PCDHAC1: variants seen among roughly 807,000 people sequenced by gnomAD.
PCDHAC1 encodes protocadherin alpha-C1.
Under a neutral mutation model 60.0 loss-of-function variants are expected in PCDHAC1, and 42 were observed. That is an observed-to-expected ratio of 0.70 (90% CI 0.55 to 0.90). The LOEUF is 0.90. Among genes scored for constraint, PCDHAC1 ranks in the 40% least tolerant of loss-of-function variants. PCDHAC1 has a pLI of 0.00. For missense variants in PCDHAC1, 1,160 were observed against 1,222.3 expected, an observed-to-expected ratio of 0.95 and a Z score of 0.76; for synonymous variants, 468 against 499.3, an observed-to-expected ratio of 0.94 and a Z score of 0.84.
Position 140,956,868 on chromosome 5 carries a change from G to A in PCDHAC1, c.2434-22081G>A, listed in dbSNP as rs1161897507. Among the ~76,000 whole-genome samples, 4 of 152,082 alleles carry A rather than the reference G, an allele frequency of 2.6e-5. No individual in the cohort carries two copies. In the South Asian group the frequency reaches 8.3e-4, roughly 32 times the overall value. On this transcript the variant is annotated intron_variant, in intron 1 of 3. Transcript: ENST00000253807. ...GGGTTAAATGGTTGAATGAATGTGT[G>A]AAAAGTTAGATATCAATGAATGAAT...
At chr5:140,947,769 A>T (rs2094173274) in intron 1 of PCDHAC1, among the ~76,000 whole-genome samples, 1 of 151,626 alleles carries the variant, frequency 6.6e-6, no homozygotes, top group Non-Finnish European at 1.5e-5. Context: ...AAAAAATTCT[A>T]TTGTAAATGG....
chr5:140,999,056 C>T (rs1256829495), intron 3 of PCDHAC1, among the ~76,000 whole-genome samples: 4 of 152,212 alleles, frequency 2.6e-5, no homozygotes, highest in Non-Finnish European at 5.9e-5. Context: ...TCCACCATGC[C>T]TAAGTAGTCT....
chr5:140,992,976 AG>A (rs2097535791), intron 3 of PCDHAC1, among the ~76,000 whole-genome samples: 3 of 152,240 alleles, frequency 2.0e-5, no homozygotes, highest in Non-Finnish European at 4.4e-5. Flanking sequence ...GACAATGATT[AG>A]GCCATGGGAC....
In PCDHAC1 at chr5:140,928,175, G is replaced by A. The variant is rs782432136; in HGVS notation, c.1283G>A (p.Arg428Gln). Residue 428 changes from arginine to glutamine, a missense_variant, in exon 1 of 4, where the codon CGA (arginine) becomes CAA (glutamine). This residue lies in a region of PCDHAC1 where 1,113 missense variants were observed against 1,163.7 expected (regional missense o/e 0.96). Transcript: ENST00000253807. ...AGTGGCTCACCCCCACTTAGCACCC[G>A]AAGGACAATCACTGTGTCAGTTGCT... ...SDSGSPPLST[R>Q]RTITVSVADV... 6.8e-6 allele frequency: 11 copies of A among 1,614,032 alleles called. No individual in the cohort carries two copies. The highest frequency in any genetic ancestry group is 1.3e-5 in the African/African-American group (1 of 74,912).
intron 3 of PCDHAC1, among the ~76,000 whole-genome samples, chr5:140,996,747 T>C (rs940274322): frequency 1.3e-5 from 2 of 152,190 alleles, no homozygotes; most frequent in Non-Finnish European, 2.9e-5. Flanking sequence ...TAACAAATTA[T>C]ATCTGTGCAG....
At chr5:141,006,299 C>T (rs2098266808) in intron 3 of PCDHAC1, among the ~76,000 whole-genome samples, 1 of 152,064 alleles carries the variant, frequency 6.6e-6, no homozygotes, top group Non-Finnish European at 1.5e-5. Flanking sequence ...GCAAGCTCCA[C>T]TTCCCGGGTT....
intron 3 of PCDHAC1, among the ~76,000 whole-genome samples, chr5:140,990,016 G>A (rs1211656433): frequency 6.6e-6 from 1 of 152,138 alleles, no homozygotes; most frequent in East Asian, 1.9e-4. Flanking sequence ...GCGTGGGCTA[G>A]GCAAAGGATG....
At chr5:140,952,058 T>C (rs889374877) in intron 1 of PCDHAC1, among the ~76,000 whole-genome samples, 1 of 152,096 alleles carries the variant, frequency 6.6e-6, no homozygotes, top group African/African-American at 2.4e-5. Flanking sequence ...ATCTTAAAGC[T>C]CCAAATAATC....
intron 3 of PCDHAC1, among the ~76,000 whole-genome samples, chr5:141,003,433 T>G (rs1479468480): frequency 2.0e-5 from 3 of 152,112 alleles, no homozygotes; most frequent in African/African-American, 7.2e-5. Flanking sequence ...TGCCTCAGCC[T>G]CCCAAGTAGA....
At chr5:140,944,226 C>T (rs988249626) in intron 1 of PCDHAC1, among the ~76,000 whole-genome samples, 3 of 152,126 alleles carry the variant, frequency 2.0e-5, no homozygotes, top group Admixed American at 2.0e-4. Flanking sequence ...TTTACTCTGT[C>T]GCTCAGGCTG....
chr5:141,005,031 A>G (rs2098194150), intron 3 of PCDHAC1, among the ~76,000 whole-genome samples: 1 of 152,212 alleles, frequency 6.6e-6, no homozygotes, highest in South Asian at 2.1e-4. Context: ...ATAATTGCCC[A>G]TATGTGATAC....
Position 141,009,727 on chromosome 5 carries a change from C to T in PCDHAC1, c.2682C>T (p.Pro894=), listed in dbSNP as rs781880006. The part of the protein sequence containing the change: ...YGPGNPKQSG[P]GELPDKFIIP... ...CAGGCAACCCCAAACAATCCGGTCC[C>T]GGTGAGTTGCCCGACAAATTCATTA... Residue 894 remains proline, a synonymous_variant, in exon 4 of 4, where the codon CCC becomes CCT. Coordinates refer to ENST00000253807, the MANE Select transcript of PCDHAC1 (RefSeq NM_018898.5). The T allele has an allele frequency of 3.1e-6, 5 of 1,614,022 alleles. No homozygotes were observed. The highest frequency in any genetic ancestry group is 2.2e-5 in the East Asian group (1 of 44,886).
At chr5:140,969,775 G>A (rs879968185) in intron 1 of PCDHAC1, among the ~76,000 whole-genome samples, 9 of 152,174 alleles carry the variant, frequency 5.9e-5, no homozygotes, top group Admixed American at 5.9e-4. Flanking sequence ...GCCTCTAGGG[G>A]CTATCATAGT....
chr5:140,953,961 G>C lies in PCDHAC1; in HGVS notation c.2433+24636G>C, dbSNP rs140078691. ...CCCATTGCTCCCCCAACAGGCCCCA[G>C]TGTGTGTTGTTCCCCTTCATATTTT... On this transcript the variant is annotated intron_variant, in intron 1 of 3. Coordinates refer to ENST00000253807, the MANE Select transcript of PCDHAC1 (RefSeq NM_018898.5). 1.0e-3 allele frequency among the ~76,000 whole-genome samples: 152 copies of C among 152,128 alleles called. 3 individuals are homozygous for C. In the East Asian group the frequency reaches 0.026, roughly 26 times the overall value.
In PCDHAC1 at chr5:140,958,013, G is replaced by A. The variant is rs553596138; in HGVS notation, c.2434-20936G>A. 2.6e-5 allele frequency among the ~76,000 whole-genome samples: 4 copies of A among 152,110 alleles called. No individual in the cohort carries two copies. In the South Asian group the frequency reaches 8.3e-4, roughly 32 times the overall value. On this transcript the variant is annotated intron_variant, in intron 1 of 3. Coordinates refer to ENST00000253807, the MANE Select transcript of PCDHAC1 (RefSeq NM_018898.5). ...CAGATTTTTTGTTTCAATTCTATCA[G>A]CCAAGTATACTATGCTTTCTTTGCT...
In PCDHAC1 at chr5:140,987,225, A is replaced by T. The variant is rs182444933; in HGVS notation, c.2581+4662A>T. On this transcript the variant is annotated intron_variant, in intron 3 of 3. Transcript: ENST00000253807. Reference sequence around the variant, plus strand: ...TGAGACTCCATCTCAAAAAAAAAAAAAATAATAAATAAAGAAAGAAAGACA... The same window carrying T: ...TGAGACTCCATCTCAAAAAAAAAAATAATAATAAATAAAGAAAGAAAGACA... 6.5e-3 allele frequency among the ~76,000 whole-genome samples: 935 copies of T among 143,134 alleles called. 9 individuals carry two copies. Among genetic ancestry groups the T allele is most frequent in the African/African-American group, 0.025 (815 of 32,962 alleles). The allele number at this position is 143,134 out of a possible 152,430, so 93.9% of individuals were successfully genotyped here. A position where few individuals can be genotyped will look rare whatever the true frequency, so the allele number is the denominator to read the frequency against.
chr5:141,007,311 G>T (rs1268953957), intron 3 of PCDHAC1, among the ~76,000 whole-genome samples: 1 of 151,596 alleles, frequency 6.6e-6, no homozygotes, highest in Non-Finnish European at 1.5e-5. Context: ...AGCATTTTGG[G>T]AGGCTAAAGT....
chr5:140,939,182 C>T (rs2092333864), intron 1 of PCDHAC1, among the ~76,000 whole-genome samples: 1 of 152,146 alleles, frequency 6.6e-6, no homozygotes, highest in African/African-American at 2.4e-5. Context: ...GGCCCACTCC[C>T]TGGTTCATAA....
At chr5:140,967,823 G>A in intron 1 of PCDHAC1, 2 of 1,614,162 alleles carry the variant, frequency 1.2e-6, no homozygotes, top group Non-Finnish European at 8.5e-7. Context: ...CAAGGTGCTG[G>A]TGGACATCGT....
Sources: allele counts gnomAD v4.1 joint callset (sites outside exome capture counted in the v4.1 genomes callset), GRCh38; gene constraint gnomAD v4.1.1; regional missense constraint gnomAD v4.1.1; transcripts MANE v1.5; gene names NCBI Gene and HGNC (gene_info 2026-07-23, HGNC 2026-07-21).